The following MEGF10 variants were observed in gnomAD, a reference collection of about 807,000 sequenced individuals.
The protein encoded by MEGF10 is multiple EGF like domains 10.
In MEGF10, 86 loss-of-function variants were observed where a neutral mutation model predicts 147.5. The observed-to-expected ratio is 0.58, with a 90% CI of 0.49 to 0.70. The LOEUF is 0.70. MEGF10 is among the 30% of genes least tolerant of loss of function. The pLI, the probability that MEGF10 is intolerant of heterozygous loss-of-function variation, is 0.00. For missense variants in MEGF10, 1,329 were observed against 1,487.3 expected (o/e 0.89, Z 1.75); for synonymous variants, 478 against 525.5 (o/e 0.91, Z 1.24).
the MEGF10 span, among the ~76,000 whole-genome samples, chr5:127,274,133 G>A: frequency 2.0e-5 from 3 of 151,944 alleles, no homozygotes; most frequent in Non-Finnish European, 2.9e-5. Flanking sequence ...CCCAGAATGT[G>A]GTGTTTTCTA....
intron 4 of MEGF10, among the ~76,000 whole-genome samples, chr5:127,363,953 A>G (rs1393673121): frequency 2.0e-5 from 3 of 152,138 alleles, no homozygotes; most frequent in African/African-American, 7.2e-5. Flanking sequence ...TGCAAGGAAA[A>G]AAGTGTGTGA....
intron 10 of MEGF10, 37 bp downstream of exon 10, chr5:127,417,849 G>T (rs374715744): frequency 1.7e-4 from 276 of 1,600,612 alleles, no homozygotes; most frequent in Non-Finnish European, 2.2e-4. Flanking sequence ...GAGAAGAGGG[G>T]TGCAGTGTGA....
In MEGF10 at chr5:127,386,618, G is replaced by A. The variant is rs542090992; in HGVS notation, c.413-9914G>A. ...TCACTCCAGTTGTCTTTGTAAAAATGAATAAAAGGTCCAAGCCTTGTTTTT... is the reference window on the plus strand; with the variant it reads ...TCACTCCAGTTGTCTTTGTAAAAATAAATAAAAGGTCCAAGCCTTGTTTTT... On this transcript the variant is annotated intron_variant, in intron 5 of 24. Coordinates refer to ENST00000503335, the MANE Select transcript of MEGF10 (RefSeq NM_001256545.2). Among the ~76,000 whole-genome samples, 7 of 152,290 alleles carry A rather than the reference G, an allele frequency of 4.6e-5. No homozygotes were observed. In the East Asian group the frequency reaches 1.4e-3, roughly 29 times the overall value.
intron 12 of MEGF10, among the ~76,000 whole-genome samples, chr5:127,422,438 C>T (rs182642776): frequency 2.2e-4 from 33 of 152,136 alleles, no homozygotes; most frequent in Admixed American, 1.7e-3. Flanking sequence ...TCCTTCAACC[C>T]GGGAGGCCGA....
chr5:127,280,365 C>G, the MEGF10 span, among the ~76,000 whole-genome samples: 1 of 152,146 alleles, frequency 6.6e-6, no homozygotes, highest in Admixed American at 6.5e-5. Flanking sequence ...CAAAGAGATG[C>G]TCCTCATGAT....
chr5:127,407,290 T>G (rs780693959), intron 8 of MEGF10, among the ~76,000 whole-genome samples: 13 of 152,200 alleles, frequency 8.5e-5, no homozygotes, highest in Non-Finnish European at 1.8e-4. Flanking sequence ...AAATCATGGT[T>G]TGGCCTAACT....
At chr5:127,395,580 T>C (rs1763879236) in intron 5 of MEGF10, among the ~76,000 whole-genome samples, 1 of 138,904 alleles carries the variant, frequency 7.2e-6, no homozygotes, top group South Asian at 2.5e-4. Flanking sequence ...AGTCTTGCTC[T>C]GTCCCCCAGG....
chr5:127,418,029 A>G (rs1004191559), intron 10 of MEGF10, among the ~76,000 whole-genome samples: 2 of 152,132 alleles, frequency 1.3e-5, no homozygotes, highest in African/African-American at 4.8e-5. Context: ...TAAATGTGGC[A>G]TTAATTTTTA....
At chr5:127,354,159 G>A (rs1322122252) in intron 4 of MEGF10, among the ~76,000 whole-genome samples, 1 of 152,106 alleles carries the variant, frequency 6.6e-6, no homozygotes, top group Non-Finnish European at 1.5e-5. Flanking sequence ...GTGTCTATAT[G>A]AAAAATAGTT....
chr5:127,341,610 A>G (rs996391441), intron 4 of MEGF10, among the ~76,000 whole-genome samples: 2 of 152,134 alleles, frequency 1.3e-5, no homozygotes, highest in African/African-American at 4.8e-5. Context: ...CCTGGATTCT[A>G]TTCTGTATGC....
At chr5:127,372,639 A>G (rs1406035834) in intron 5 of MEGF10, among the ~76,000 whole-genome samples, 2 of 152,154 alleles carry the variant, frequency 1.3e-5, no homozygotes, top group Non-Finnish European at 2.9e-5. Context: ...GATAGTCTAG[A>G]GGAGAACTGG....
the MEGF10 span, among the ~76,000 whole-genome samples, chr5:127,268,058 G>C: frequency 2.6e-5 from 4 of 152,150 alleles, no homozygotes; most frequent in African/African-American, 9.7e-5. Flanking sequence ...TGGGCATTTA[G>C]TGCTATAAAT....
At chr5:127,440,256 A>T (rs1269174782) in intron 17 of MEGF10, among the ~76,000 whole-genome samples, 1 of 152,204 alleles carries the variant, frequency 6.6e-6, no homozygotes, top group African/African-American at 2.4e-5. Flanking sequence ...AGGGAAGTTG[A>T]TATTATCTAA....
intron 5 of MEGF10, among the ~76,000 whole-genome samples, chr5:127,371,190 ACTGTGTGT>A (rs1413432522): frequency 2.6e-4 from 24 of 93,762 alleles, no homozygotes; most frequent in Admixed American, 1.1e-3. Flanking sequence ...AGGGACTGGG[ACTGTGTGT>A]GTGTGTGTGT....
the MEGF10 span, among the ~76,000 whole-genome samples, chr5:127,259,677 A>G: frequency 6.6e-6 from 1 of 152,172 alleles, no homozygotes; most frequent in East Asian, 1.9e-4. Context: ...TTTTAGGGGT[A>G]ACTTTTGGAT....
intron 1 of MEGF10, among the ~76,000 whole-genome samples, chr5:127,317,665 C>A (rs188835271): frequency 2.6e-5 from 4 of 152,244 alleles, no homozygotes; most frequent in Admixed American, 2.0e-4. Flanking sequence ...AAACCAAACA[C>A]CCCGTGTTCT....
chr5:127,276,912 G>T, the MEGF10 span, among the ~76,000 whole-genome samples: 1 of 152,040 alleles, frequency 6.6e-6, no homozygotes, highest in East Asian at 1.9e-4. Context: ...GAATAAGAAG[G>T]CTCATTGAGA....
chr5:127,289,900 G>C (rs183280201), upstream of MEGF10, among the ~76,000 whole-genome samples: 10,175 of 152,064 alleles, frequency 0.067, 437 homozygotes, highest in African/African-American at 0.12. Flanking sequence ...AGAATTCAAC[G>C]ACACAAGAAA....
chr5:127,276,044 G>A, the MEGF10 span, among the ~76,000 whole-genome samples: 1 of 152,200 alleles, frequency 6.6e-6, no homozygotes, highest in Admixed American at 6.5e-5. Flanking sequence ...AACCAGGAAA[G>A]TCTTGCTAGG....
Sources: gnomAD v4.1 joint callset for allele counts (sites outside exome capture counted in the v4.1 genomes callset) on GRCh38, gnomAD v4.1.1 for gene constraint, MANE v1.5 for transcripts, NCBI Gene and HGNC (gene_info 2026-07-23, HGNC 2026-07-21) for gene names.